Variants in NOP58 observed in about 807,000 individuals in gnomAD.
The protein encoded by NOP58 is NOP58 ribonucleoprotein.
NOP58 carries 44 observed loss-of-function variants against 71.2 expected under a neutral mutation model. The ratio of observed to expected loss-of-function variants is 0.62; its 90% confidence interval spans 0.49 to 0.79. The LOEUF is 0.79. Among genes scored for constraint, NOP58 ranks in the 30% least tolerant of loss-of-function variants. The pLI is 0.00. For missense variants in NOP58, 538 were observed against 620.2 expected, an observed-to-expected ratio of 0.87 and a Z score of 1.41; for synonymous variants, 228 against 200.3, an observed-to-expected ratio of 1.14 and a Z score of -1.17.
intron 4 of NOP58, among the ~76,000 whole-genome samples, chr2:202,284,128 A>G (rs1160900328): frequency 1.3e-5 from 2 of 152,060 alleles, no homozygotes; most frequent in Non-Finnish European, 1.5e-5. Flanking sequence ...CTAAAAATAC[A>G]AAATTAGCTG....
rs1287537668 is a variant in NOP58, at chr2:202,287,704, C to G, written c.479C>G (p.Thr160Arg). The change falls in exon 6 of 15, where the codon ACA (threonine) becomes AGA (arginine). Residue 160 changes from threonine (T) to arginine (R), a missense_variant. Transcript: ENST00000264279. Reference protein sequence around the residue: ...RLKFSADKVDTMIVQAISLLD... With the variant: ...RLKFSADKVDRMIVQAISLLD... The stretch of plus-strand genomic sequence containing the variant: ...AAGTTTAGCGCTGATAAAGTAGACA[C>G]AATGATTGTTCAGGCAATTTGTAAG... 6.2e-7 allele frequency: 1 copy of G among 1,612,806 alleles called. No homozygotes were observed. The highest frequency in any genetic ancestry group is 8.5e-7 in the Non-Finnish European group (1 of 1,178,848).
intron 3 of NOP58, among the ~76,000 whole-genome samples, chr2:202,281,137 C>CTT (rs59956201): frequency 1.1e-4 from 15 of 142,342 alleles, no homozygotes; most frequent in African/African-American, 3.9e-4. Flanking sequence ...TTTTCTTTTT[C>CTT]TTTTTTTTTT....
intron 5 of NOP58, 123 bp downstream of exon 5, chr2:202,284,604 A>G (rs1207142972): frequency 3.0e-6 from 3 of 993,020 alleles, no homozygotes; most frequent in Admixed American, 5.2e-5. Context: ...AGAAGATGAT[A>G]GTAATATCCT....
At chr2:202,299,179 T>C (rs1029217862) in intron 12 of NOP58, among the ~76,000 whole-genome samples, 1 of 152,016 alleles carries the variant, frequency 6.6e-6, no homozygotes, top group Non-Finnish European at 1.5e-5. Context: ...AGGATGGTCT[T>C]GATCTCCTGA....
intron 1 of NOP58, among the ~76,000 whole-genome samples, chr2:202,266,916 T>G (rs1221859432): frequency 1.3e-5 from 2 of 152,220 alleles, no homozygotes; most frequent in Admixed American, 1.3e-4. Context: ...TTGCGTTGTC[T>G]ATTAGACCTG....
intron 1 of NOP58, among the ~76,000 whole-genome samples, chr2:202,270,730 A>G (rs936614010): frequency 6.6e-6 from 1 of 152,078 alleles, no homozygotes; most frequent in African/African-American, 2.4e-5. Context: ...AGCCTGGACA[A>G]CAGAGTGAGA....
chr2:202,297,739 A>T, intron 11 of NOP58, 106 bp from the exon 12 acceptor site: 1 of 814,632 alleles, frequency 1.2e-6, no homozygotes. Flanking sequence ...AACAAAAAAT[A>T]GCAGAAATTG....
At chr2:202,284,623 G>A in intron 5 of NOP58, 142 bp downstream of exon 5, 1 of 864,714 alleles carries the variant, frequency 1.2e-6, no homozygotes, top group Non-Finnish European at 1.7e-6. Flanking sequence ...CTCATTTACA[G>A]ATGAAACTGA....
At chr2:202,273,042 G>A (rs951917690) in intron 1 of NOP58, among the ~76,000 whole-genome samples, 3 of 152,110 alleles carry the variant, frequency 2.0e-5, no homozygotes, top group East Asian at 1.9e-4. Context: ...GGAGAATGAC[G>A]TGAACCCAGG....
At chr2:202,276,817 GAC>G (rs1195157890) in intron 2 of NOP58, among the ~76,000 whole-genome samples, 1 of 152,034 alleles carries the variant, frequency 6.6e-6, no homozygotes, top group African/African-American at 2.4e-5. Flanking sequence ...CAGCCTGGGT[GAC>G]AGAGTGAAGT....
intron 9 of NOP58, among the ~76,000 whole-genome samples, chr2:202,295,306 A>T (rs1007952105): frequency 6.6e-6 from 1 of 152,336 alleles, no homozygotes; most frequent in East Asian, 1.9e-4. Flanking sequence ...AAAGCAATAG[A>T]ATATTTGATA....
chr2:202,266,777 G>C (rs944870925), intron 1 of NOP58, among the ~76,000 whole-genome samples: 1 of 152,196 alleles, frequency 6.6e-6, no homozygotes, highest in East Asian at 1.9e-4. Context: ...AACAAATATC[G>C]ATAGAAATTG....
chr2:202,295,749 CCCT>C lies in NOP58; in HGVS notation c.985_987del (p.Leu329del). 6.2e-7 allele frequency: 1 copy of C among 1,611,810 alleles called. No individual in the cohort carries two copies. The highest frequency in any genetic ancestry group is 8.5e-7 in the Non-Finnish European group (1 of 1,179,008). On this transcript the variant is annotated inframe_deletion, in exon 10 of 15. Coordinates refer to ENST00000264279, the MANE Select transcript of NOP58 (RefSeq NM_015934.5). ...GGAGCTGAAAAGGCACTTTTCAGAGCCCTCAAATCTAGACGGGATACCCCTAAG... is the reference window on the plus strand; with the variant it reads ...GGAGCTGAAAAGGCACTTTTCAGAGCCAAATCTAGACGGGATACCCCTAAG...
chr2:202,274,400 A>ATTTTTTTTTTTT (rs1173477305), intron 1 of NOP58, among the ~76,000 whole-genome samples: 2 of 104,682 alleles, frequency 1.9e-5, no homozygotes, highest in African/African-American at 4.0e-5. Context: ...CTAATTTTGT[A>ATTTTTTTTTTTT]TTTTTTTTTT....
At chr2:202,281,026 C>T (rs1196801352) in intron 3 of NOP58, among the ~76,000 whole-genome samples, 1 of 151,932 alleles carries the variant, frequency 6.6e-6, no homozygotes, top group African/African-American at 2.4e-5. Context: ...AATGGATATA[C>T]GATCAGGAGG....
chr2:202,297,554 C>A, intron 11 of NOP58, 41 bp downstream of exon 11: 2 of 1,581,374 alleles, frequency 1.3e-6, no homozygotes, highest in Non-Finnish European at 1.7e-6. Flanking sequence ...TATTACTTGT[C>A]AAAAGTTAAT....
intron 2 of NOP58, among the ~76,000 whole-genome samples, chr2:202,277,094 T>A (rs1297308973): frequency 6.6e-6 from 1 of 152,162 alleles, no homozygotes; most frequent in Non-Finnish European, 1.5e-5. Context: ...GAGACCATCC[T>A]GGCTAACACG....
chr2:202,296,803 G>A (rs375372489), intron 10 of NOP58, among the ~76,000 whole-genome samples: 18 of 151,822 alleles, frequency 1.2e-4, no homozygotes, highest in East Asian at 9.7e-4. Flanking sequence ...GTGCCATCCC[G>A]GCTCACTGCA....
intron 4 of NOP58, among the ~76,000 whole-genome samples, chr2:202,283,914 A>G (rs1188606381): frequency 2.6e-5 from 4 of 152,186 alleles, no homozygotes; most frequent in African/African-American, 7.2e-5. Context: ...GTATTCTACA[A>G]ACACACTGGA....
Sources: allele counts gnomAD v4.1 joint callset (sites outside exome capture counted in the v4.1 genomes callset), GRCh38; gene constraint gnomAD v4.1.1; transcripts MANE v1.5; gene names NCBI Gene and HGNC (gene_info 2026-07-23, HGNC 2026-07-21).